Variants in SNTA1 observed in about 807,000 individuals in gnomAD.
The protein encoded by SNTA1 is syntrophin alpha 1, also known as alpha-1-syntrophin.
SNTA1 carries 31 observed loss-of-function variants against 47.1 expected under a neutral mutation model. That is an observed-to-expected ratio of 0.66 (90% CI 0.49 to 0.89). The LOEUF is 0.89. Ranked by LOEUF, SNTA1 falls within the 40% of genes least tolerant of loss-of-function variation. The pLI, the probability that SNTA1 is intolerant of heterozygous loss-of-function variation, is 0.00. For missense variants in SNTA1, 575 were observed against 693.0 expected (o/e 0.83, Z 1.91); for synonymous variants, 300 against 313.6 (o/e 0.96, Z 0.46).
chr20:33,421,957 CAAA>C (rs34754645), intron 2 of SNTA1, among the ~76,000 whole-genome samples: 113 of 70,030 alleles, frequency 1.6e-3, no homozygotes, highest in African/African-American at 5.3e-3. Context: ...ACCCTGTCTC[CAAA>C]AAAAAAAAAA....
chr20:33,442,222 GCATTCACCAC>G (rs1201614733), intron 1 of SNTA1, among the ~76,000 whole-genome samples: 13 of 152,238 alleles, frequency 8.5e-5, no homozygotes, highest in African/African-American at 3.1e-4. Flanking sequence ...CACAGTGGTG[GCATTCACCAC>G]CATCCCCACC....
chr20:33,433,496 A>T (rs1990363239), intron 2 of SNTA1, among the ~76,000 whole-genome samples: 1 of 151,534 alleles, frequency 6.6e-6, no homozygotes, highest in Non-Finnish European at 1.5e-5. Context: ...CGAACCCCTG[A>T]CCTCAGTTGA....
Position 33,412,638 on chromosome 20 carries a change from C to T in SNTA1, c.846G>A (p.Leu282=), listed in dbSNP as rs778688832. 1.1e-5 allele frequency: 18 copies of T among 1,614,028 alleles called. No individual in the cohort carries two copies. Among genetic ancestry groups the T allele is most frequent in the Non-Finnish European group, 1.5e-5 (18 of 1,180,032 alleles). Residue 282 remains leucine, a synonymous_variant, in exon 4 of 8, where the codon CTG becomes CTA. Coordinates refer to ENST00000217381, the MANE Select transcript of SNTA1 (RefSeq NM_003098.3). The part of the protein sequence containing the change: ...TPRVKDELQA[L]LAATSTAGSQ... ...TCCCAGCTGTGCTGGTGGCTGCCAA[C>T]AGTGCCTGCAGCTCATCCTTGACCC...
intron 1 of SNTA1, among the ~76,000 whole-genome samples, chr20:33,440,985 T>C (rs1359121095): frequency 2.0e-5 from 3 of 152,244 alleles, no homozygotes; most frequent in Non-Finnish European, 2.9e-5. Flanking sequence ...CTAGAGATTC[T>C]AAAAACCTGC....
At chr20:33,437,949 G>A (rs1215869628) in intron 2 of SNTA1, among the ~76,000 whole-genome samples, 1 of 152,208 alleles carries the variant, frequency 6.6e-6, no homozygotes, top group Admixed American at 6.5e-5. Flanking sequence ...TTCAACCAAG[G>A]TTCCTCCACA....
In SNTA1 at chr20:33,443,608, T is replaced by G. The variant is rs980437334; in HGVS notation, c.13A>C (p.Arg5=). Residue 5 remains arginine (R), a synonymous_variant, in exon 1 of 8, where the codon AGG becomes CGG. Transcript: ENST00000217381. MASG[R]RAPRTGLLEL... ...AGCAGCCCGGTGCGCGGGGCGCGCC[T>G]GCCGGACGCCATCTTCGCCTCCGAG... 4.9e-5 allele frequency: 60 copies of G among 1,227,682 alleles called. No homozygotes were observed. The highest frequency in any genetic ancestry group is 7.9e-5 in the Admixed American group (2 of 25,258). The allele number at this position is 1,227,682 out of a possible 1,614,324, so 76.0% of individuals were successfully genotyped here. A position where few individuals can be genotyped will look rare whatever the true frequency, so the allele number is the denominator to read the frequency against.
rs1990638199 is a variant in SNTA1 at position 33,443,640 on chromosome 20, G to A, written c.-20C>T. On this transcript the variant is annotated 5_prime_UTR_variant, in exon 1 of 8. Coordinates refer to ENST00000217381, the MANE Select transcript of SNTA1 (RefSeq NM_003098.3). ...CGCCATCTTCGCCTCCGAGCCCCCGGGCCGCCGCGCTCGCCCTGTCCCGCT... is the reference window on the plus strand; with the variant it reads ...CGCCATCTTCGCCTCCGAGCCCCCGAGCCGCCGCGCTCGCCCTGTCCCGCT... 8.3e-7 allele frequency: 1 copy of A among 1,198,542 alleles called. No individual in the cohort carries two copies. Among genetic ancestry groups the A allele is most frequent in the South Asian group, 3.1e-5 (1 of 32,452 alleles). The allele number at this position is 1,198,542 out of a possible 1,614,324, so 74.2% of individuals were successfully genotyped here.
chr20:33,412,150 G>C, intron 5 of SNTA1, 146 bp downstream of exon 5: 2 of 852,698 alleles, frequency 2.3e-6, no homozygotes, highest in South Asian at 3.5e-5. Flanking sequence ...TGAGGAAACT[G>C]AGGCCCAGAC....
chr20:33,415,253 C>T (rs933118400), intron 3 of SNTA1, among the ~76,000 whole-genome samples: 5 of 152,178 alleles, frequency 3.3e-5, no homozygotes, highest in Non-Finnish European at 7.3e-5. Flanking sequence ...CACGTGCGCA[C>T]ACTTAGAAAC....
rs893512920 is a variant in SNTA1 at position 33,417,886 on chromosome 20, G to T, written c.534C>A (p.Asn178Lys). 1 of 1,613,976 alleles carries T rather than the reference G, an allele frequency of 6.2e-7. No homozygotes were observed. Among genetic ancestry groups the T allele is most frequent in the Non-Finnish European group, 8.5e-7 (1 of 1,179,944 alleles). The change falls in exon 3 of 8, where the codon AAC (asparagine) becomes AAA (lysine). Residue 178 changes from asparagine (N) to lysine (K), a missense_variant. Asn to Lys is a moderately conservative substitution (Grantham distance 94). Coordinates refer to ENST00000217381, the MANE Select transcript of SNTA1 (RefSeq NM_003098.3). The part of the protein sequence containing the change: ...YMKDVSPYFK[N>K]STGGTSVGWD... ...AGCCGACCGAGGTCCCACCAGTAGA[G>T]TTCTTGAAATACGGTGAGACGTCCT...
At position 33,435,386 on chromosome 20, in the gene SNTA1, C is replaced by T. The variant is rs186240464; in HGVS notation, c.496+3455G>A. ...GCCCAGGCAGGCAGATCACTGAGGC[C>T]GGGAGTTCGAGACCAGCCTGGCCAA... On this transcript the variant is annotated intron_variant, in intron 2 of 7. Transcript: ENST00000217381. Among the ~76,000 whole-genome samples the T allele has an allele frequency of 1.6e-3, 234 of 149,694 alleles. 2 individuals carry two copies. Among genetic ancestry groups the T allele is most frequent in the East Asian group, 0.015 (74 of 4,896 alleles).
chr20:33,419,343 C>T (rs1989962846), intron 2 of SNTA1, among the ~76,000 whole-genome samples: 1 of 152,092 alleles, frequency 6.6e-6, no homozygotes, highest in Admixed American at 6.6e-5. Context: ...AATTCTTGGC[C>T]CACCTCCCTG....
chr20:33,412,174 G>C, intron 5 of SNTA1, 122 bp downstream of exon 5: 2 of 1,109,446 alleles, frequency 1.8e-6, no homozygotes, highest in Non-Finnish European at 2.5e-6. Flanking sequence ...GCAGAGACTT[G>C]CTTCAGGTCA....
At chr20:33,442,718 C>G (rs1051522619) in intron 1 of SNTA1, among the ~76,000 whole-genome samples, 3 of 152,098 alleles carry the variant, frequency 2.0e-5, no homozygotes, top group African/African-American at 7.2e-5. Context: ...AAAGCTCTAT[C>G]CTGTGCAAGG....
chr20:33,423,640 G>A (rs1408485943), intron 2 of SNTA1, among the ~76,000 whole-genome samples: 1 of 152,188 alleles, frequency 6.6e-6, no homozygotes, highest in East Asian at 1.9e-4. Flanking sequence ...AAAGAGCCAG[G>A]AATAGATTCC....
intron 2 of SNTA1, among the ~76,000 whole-genome samples, chr20:33,419,447 C>A (rs1164963294): frequency 6.6e-6 from 1 of 152,192 alleles, no homozygotes; most frequent in Non-Finnish European, 1.5e-5. Flanking sequence ...GAGGGAGTTA[C>A]AAACCCTATT....
chr20:33,413,879 G>A (rs1568749282), intron 3 of SNTA1, among the ~76,000 whole-genome samples: 1 of 152,098 alleles, frequency 6.6e-6, no homozygotes, highest in Non-Finnish European at 1.5e-5. Context: ...GTTTGAGGCT[G>A]CAGTAAGCTA....
At chr20:33,436,065 G>A (rs190489855) in intron 2 of SNTA1, among the ~76,000 whole-genome samples, 1 of 152,070 alleles carries the variant, frequency 6.6e-6, no homozygotes, top group South Asian at 2.1e-4. Flanking sequence ...GTGGTGGCGG[G>A]CACCTGTAGT....
At chr20:33,415,312 G>C (rs1989848035) in intron 3 of SNTA1, among the ~76,000 whole-genome samples, 1 of 152,176 alleles carries the variant, frequency 6.6e-6, no homozygotes, top group African/African-American at 2.4e-5. Context: ...GGAATCTAAG[G>C]TTCTATGAGT....
Sources: gnomAD v4.1 joint callset for allele counts (sites outside exome capture counted in the v4.1 genomes callset) on GRCh38, gnomAD v4.1.1 for gene constraint, MANE v1.5 for transcripts, NCBI Gene and HGNC (gene_info 2026-07-23, HGNC 2026-07-21) for gene names.